Variants in RIMS1 observed in about 807,000 individuals in gnomAD.
The protein encoded by RIMS1 is regulating synaptic membrane exocytosis 1.
RIMS1 carries 83 observed loss-of-function variants against 214.1 expected under a neutral mutation model. The ratio of observed to expected loss-of-function variants is 0.39; its 90% CI spans 0.32 to 0.47. The LOEUF is 0.47. RIMS1 is among the 20% of genes least tolerant of loss of function. RIMS1 has a pLI of 0.99. For synonymous variants in RIMS1, 793 were observed against 786.8 expected (o/e 1.01, Z -0.13); for missense variants, 2,050 against 2,161.8 (o/e 0.95, Z 1.03).
At chr6:72,016,185 G>A (rs999401082) in intron 2 of RIMS1, among the ~76,000 whole-genome samples, 14 of 151,922 alleles carry the variant, frequency 9.2e-5, no homozygotes, top group South Asian at 2.1e-4. Context: ...TCTTTTTTAC[G>A]TGTGGCTGGA....
chr6:72,195,794 T>C (rs1214262634), intron 6 of RIMS1, among the ~76,000 whole-genome samples: 1 of 151,940 alleles, frequency 6.6e-6, no homozygotes, highest in African/African-American at 2.4e-5. Context: ...TAAGACTGAG[T>C]AATTTATAAA....
intron 1 of RIMS1, among the ~76,000 whole-genome samples, chr6:71,961,124 A>G (rs1416191364): frequency 3.9e-5 from 6 of 152,100 alleles, no homozygotes. Context: ...AGTTAGAAAT[A>G]CGTGAAGAGG....
In RIMS1 at chr6:71,886,915, G is replaced by A. The variant is rs1767913477; in HGVS notation, c.-109G>A. The A allele has an allele frequency of 1.5e-6, 2 of 1,339,590 alleles. No individual in the cohort carries two copies. Among genetic ancestry groups the A allele is most frequent in the Non-Finnish European group, 2.0e-6 (2 of 975,912 alleles). 83.0% of individuals were successfully genotyped at this position (1,339,590 alleles called of 1,614,324 possible). On this transcript the variant is annotated 5_prime_UTR_variant, in exon 1 of 34. Transcript: ENST00000521978. The stretch of plus-strand genomic sequence containing the variant: ...CGCCGCCGCTGCTCCTCCTCCTGCC[G>A]CCGCCGCTAGGGCTCCGCTGTGAGG...
chr6:72,340,522 C>A (rs1425500140), intron 29 of RIMS1, among the ~76,000 whole-genome samples: 4 of 152,226 alleles, frequency 2.6e-5, no homozygotes, highest in Admixed American at 1.3e-4. Flanking sequence ...GTTTTCCCAG[C>A]ACCATTTATT....
intron 7 of RIMS1, among the ~76,000 whole-genome samples, chr6:72,234,476 A>G (rs2063263892): frequency 6.6e-6 from 1 of 151,932 alleles, no homozygotes; most frequent in Non-Finnish European, 1.5e-5. Context: ...TCCTTACTCC[A>G]CCCCTTTCCA....
intron 2 of RIMS1, among the ~76,000 whole-genome samples, chr6:72,029,653 C>T (rs1185746518): frequency 1.3e-5 from 2 of 152,126 alleles, no homozygotes; most frequent in African/African-American, 4.8e-5. Context: ...GAAGTCTGAA[C>T]AGGCTAGGAC....
Position 72,124,298 on chromosome 6 carries a change from G to GC in RIMS1, c.471+24317dup, listed in dbSNP as rs572451706. On this transcript the variant is annotated intron_variant, in intron 4 of 33. Transcript: ENST00000521978. ...TTTTCTTTAAGAATGTTGAATATTG[G>GC]CCCCCACTCTCTTCTGGCTTGTAGA... Among the ~76,000 whole-genome samples the GC allele has an allele frequency of 4.0e-3, 605 of 151,856 alleles. 11 individuals carry two copies. Among genetic ancestry groups the GC allele is most frequent in the African/African-American group, 0.012 (507 of 41,498 alleles).
Position 72,265,968 on chromosome 6 carries a change from A to G in RIMS1, c.3317A>G (p.Gln1106Arg). 1 of 1,570,730 alleles carries G rather than the reference A, an allele frequency of 6.4e-7. No individual in the cohort carries two copies. Among genetic ancestry groups the G allele is most frequent in the Non-Finnish European group, 8.6e-7 (1 of 1,156,302 alleles). The change falls in exon 22 of 34, where the codon CAG (glutamine) becomes CGG (arginine). Residue 1106 changes from glutamine to arginine, a missense_variant. Physicochemically the swap from Gln to Arg is conservative, Grantham distance 43. This residue lies in a region of RIMS1 where 889 missense variants were observed against 885.5 expected (regional missense o/e 1.00). Coordinates refer to ENST00000521978, the MANE Select transcript of RIMS1 (RefSeq NM_014989.7). ...CAATGCACTGGCACTAGTGAACTGC[A>G]GCCCTTTCTTGACAGGGCTAGGAGT... Reference protein sequence around the residue: ...FTDEILVSELQPFLDRARSAS... With the variant: ...FTDEILVSELRPFLDRARSAS...
intron 29 of RIMS1, among the ~76,000 whole-genome samples, chr6:72,373,114 C>G (rs2098270340): frequency 6.6e-6 from 1 of 152,140 alleles, no homozygotes; most frequent in Non-Finnish European, 1.5e-5. Flanking sequence ...ACCTTGGATT[C>G]TTTGATCAGA....
At chr6:72,003,833 A>G (rs901445027) in intron 2 of RIMS1, among the ~76,000 whole-genome samples, 1 of 151,530 alleles carries the variant, frequency 6.6e-6, no homozygotes, top group Non-Finnish European at 1.5e-5. Context: ...ATGAGGCTAA[A>G]GATCATTTTT....
chr6:72,383,189 C>T (rs2098522742), intron 29 of RIMS1, among the ~76,000 whole-genome samples: 1 of 152,116 alleles, frequency 6.6e-6, no homozygotes, highest in Admixed American at 6.6e-5. Flanking sequence ...ATTTACATAA[C>T]ATAAATACAT....
intron 6 of RIMS1, among the ~76,000 whole-genome samples, chr6:72,206,934 C>T (rs1163269882): frequency 6.6e-6 from 1 of 152,116 alleles, no homozygotes; most frequent in Admixed American, 6.5e-5. Flanking sequence ...ATCTTATTTA[C>T]GTTTTGTAGT....
chr6:71,982,754 G>C (rs1798825009), intron 2 of RIMS1, among the ~76,000 whole-genome samples: 1 of 151,888 alleles, frequency 6.6e-6, no homozygotes, highest in African/African-American at 2.4e-5. Context: ...TTTTTGCATG[G>C]GGTTGGATAC....
chr6:72,175,706 C>G (rs1297235153), intron 4 of RIMS1, among the ~76,000 whole-genome samples: 2 of 151,902 alleles, frequency 1.3e-5, no homozygotes, highest in South Asian at 2.1e-4. Flanking sequence ...TATTCTAGAC[C>G]TCGTCGTGAA....
intron 26 of RIMS1, among the ~76,000 whole-genome samples, chr6:72,294,828 A>C (rs1462674609): frequency 6.6e-6 from 1 of 151,778 alleles, no homozygotes; most frequent in Non-Finnish European, 1.5e-5. Flanking sequence ...ATTATGTTGA[A>C]GTAGATTTAG....
intron 1 of RIMS1, among the ~76,000 whole-genome samples, chr6:71,895,733 GCTGC>G (rs1771546465): frequency 3.0e-4 from 1 of 3,374 alleles, no homozygotes; most frequent in South Asian, 4.2e-3. Context: ...AGGATGTCTA[GCTGC>G]TAGCTGTTTT....
At chr6:71,888,997 T>C (rs1768731343) in intron 1 of RIMS1, among the ~76,000 whole-genome samples, 1 of 152,236 alleles carries the variant, frequency 6.6e-6, no homozygotes, top group Admixed American at 6.5e-5. Context: ...TCAGTCCGTC[T>C]GTACTCACTG....
At chr6:72,282,958 T>C (rs1383727077) in intron 23 of RIMS1, among the ~76,000 whole-genome samples, 1 of 151,848 alleles carries the variant, frequency 6.6e-6, no homozygotes, top group Non-Finnish European at 1.5e-5. Flanking sequence ...GCGGAAGAGA[T>C]TGGGAGAGAT....
chr6:71,908,848 A>C (rs1048273080), intron 1 of RIMS1, among the ~76,000 whole-genome samples: 1 of 152,218 alleles, frequency 6.6e-6, no homozygotes, highest in African/African-American at 2.4e-5. Context: ...ACCCAGAGCC[A>C]AAGTCAATGA....
Sources: gnomAD v4.1 joint callset for allele counts (sites outside exome capture counted in the v4.1 genomes callset) on GRCh38, gnomAD v4.1.1 for gene constraint, gnomAD v4.1.1 regional missense constraint, MANE v1.5 for transcripts, NCBI Gene and HGNC (gene_info 2026-07-23, HGNC 2026-07-21) for gene names.